Variants in LRTM3 observed in about 807,000 individuals in gnomAD.
The protein encoded by LRTM3 is leucine-rich repeat transmembrane protein 3.
chr13:102,742,755 T>C, the LRTM3 span: 4 of 1,550,672 alleles, frequency 2.6e-6, no homozygotes, highest in Middle Eastern at 1.7e-4. Context: ...CCATTCTGTC[T>C]TTTCATTTCT....
the LRTM3 span, among the ~76,000 whole-genome samples, chr13:102,753,514 G>GA: frequency 3.5e-4 from 49 of 138,674 alleles, no homozygotes; most frequent in African/African-American, 5.3e-4. Flanking sequence ...AAAAAGAAAA[G>GA]AAAAAAAAAA....
the LRTM3 span, chr13:102,736,363 C>T: frequency 6.4e-7 from 1 of 1,551,104 alleles, no homozygotes; most frequent in South Asian, 1.2e-5. Flanking sequence ...ATGTCTTTGC[C>T]TTGAAAACGG....
At chr13:102,729,756 C>T in the LRTM3 span, 26 of 1,551,734 alleles carry the variant, frequency 1.7e-5, no homozygotes, top group South Asian at 3.6e-5. Context: ...CTTTCTGACT[C>T]ATAATCATAC....
At chr13:102,741,286 T>C in the LRTM3 span, 1 of 1,550,156 alleles carries the variant, frequency 6.5e-7, no homozygotes, top group Non-Finnish European at 8.7e-7. Flanking sequence ...CATTTTCTTT[T>C]CTTGCTGTAT....
the LRTM3 span, chr13:102,731,409 T>C: frequency 6.4e-7 from 1 of 1,551,480 alleles, no homozygotes. Flanking sequence ...GGTATCAGAT[T>C]CAGTTGTATT....
At chr13:102,739,400 C>T in the LRTM3 span, 3 of 1,550,354 alleles carry the variant, frequency 1.9e-6, no homozygotes, top group South Asian at 2.4e-5. Flanking sequence ...TGATACTCTT[C>T]TGGCATTTGA....
chr13:102,752,499 C>G, the LRTM3 span, among the ~76,000 whole-genome samples: 1 of 152,156 alleles, frequency 6.6e-6, no homozygotes, highest in Non-Finnish European at 1.5e-5. Context: ...CACCATCATT[C>G]TTCAGTTGAC....
At chr13:102,746,230 C>T in the LRTM3 span, 1 of 1,550,550 alleles carries the variant, frequency 6.4e-7, no homozygotes, top group Non-Finnish European at 8.7e-7. Flanking sequence ...GGATTTCCTT[C>T]ATTTGACCCG....
chr13:102,748,788 G>A, the LRTM3 span: 2 of 1,550,426 alleles, frequency 1.3e-6, no homozygotes, highest in Non-Finnish European at 1.7e-6. Flanking sequence ...GCTTTTAGTT[G>A]AACAGTGTTG....
At chr13:102,736,171 T>C in the LRTM3 span, 1 of 1,546,652 alleles carries the variant, frequency 6.5e-7, no homozygotes. Flanking sequence ...GCTTTGGTTG[T>C]GAAGGAGAGA....
the LRTM3 span, chr13:102,742,873 G>T: frequency 4.5e-6 from 7 of 1,550,678 alleles, no homozygotes; most frequent in East Asian, 7.3e-5. Context: ...TATCATATTT[G>T]TTTGATATGG....
chr13:102,730,565 T>C, the LRTM3 span: 1 of 1,551,830 alleles, frequency 6.4e-7, no homozygotes, highest in Admixed American at 2.0e-5. Flanking sequence ...AGTATCTTTC[T>C]TCCTCGGGCT....
the LRTM3 span, chr13:102,747,427 A>G: frequency 6.5e-7 from 1 of 1,548,146 alleles, no homozygotes; most frequent in Non-Finnish European, 8.7e-7. Context: ...TTACTTTCAT[A>G]ATTACATATT....
chr13:102,737,089 A>G, the LRTM3 span: 1 of 1,551,176 alleles, frequency 6.4e-7, no homozygotes, highest in South Asian at 1.2e-5. Flanking sequence ...CACTGCTGCC[A>G]GGGATATTGA....
chr13:102,734,464 C>G, the LRTM3 span: 24 of 1,551,282 alleles, frequency 1.5e-5, no homozygotes, highest in East Asian at 2.4e-5. Flanking sequence ...CTTCATGTTC[C>G]TTTCGTCCTT....
At chr13:102,744,603 A>G in the LRTM3 span, 1 of 1,550,624 alleles carries the variant, frequency 6.4e-7, no homozygotes, top group South Asian at 1.2e-5. Context: ...GACAAATTCC[A>G]AGATCTGCCT....
the LRTM3 span, chr13:102,747,642 C>G: frequency 6.4e-7 from 1 of 1,551,114 alleles, no homozygotes; most frequent in Non-Finnish European, 8.7e-7. Context: ...TCTGTTGTTT[C>G]AATTAAAAGT....
the LRTM3 span, chr13:102,747,691 C>G: frequency 4.5e-6 from 7 of 1,551,016 alleles, no homozygotes; most frequent in African/African-American, 9.6e-5. Context: ...TAAGTGGATT[C>G]TTTGGATCTC....
At chr13:102,732,648 C>T in the LRTM3 span, 1 of 1,551,190 alleles carries the variant, frequency 6.4e-7, no homozygotes, top group Non-Finnish European at 8.7e-7. Flanking sequence ...ATTTGAGATT[C>T]CTCTGCCTTT....
Sources: gnomAD v4.1 joint callset for allele counts (sites outside exome capture counted in the v4.1 genomes callset) on GRCh38, gnomAD v4.1.1 for gene constraint, MANE v1.5 for transcripts, NCBI Gene and HGNC (gene_info 2026-07-23, HGNC 2026-07-21) for gene names.